Variants in COL4A2 observed in about 807,000 individuals in gnomAD.
The protein encoded by COL4A2 is collagen type IV alpha 2 chain, also known as collagen alpha-2(IV) chain.
Under a neutral mutation model 200.2 loss-of-function variants are expected in COL4A2, and 99 were observed. The observed-to-expected ratio is 0.49, with a 90% CI of 0.42 to 0.58. The LOEUF is 0.58. Ranked by LOEUF, COL4A2 falls within the 20% of genes least tolerant of loss-of-function variation. COL4A2 has a pLI of 0.00. For missense variants in COL4A2, 1,950 were observed against 2,314.1 expected, an observed-to-expected ratio of 0.84 and a Z score of 3.23; for synonymous variants, 897 against 900.6, an observed-to-expected ratio of 1.00 and a Z score of 0.07.
At chr13:110,487,546 A>G (rs544216301) in intron 34 of COL4A2, among the ~76,000 whole-genome samples, 18 of 152,364 alleles carry the variant, frequency 1.2e-4, no homozygotes, top group East Asian at 9.6e-4. Context: ...CGAAACTAGG[A>G]AACAGCCCAA....
rs1169705185 is a variant in COL4A2 at position 110,345,245 on chromosome 13, C to T, written c.100-12227C>T. 4.6e-5 allele frequency among the ~76,000 whole-genome samples: 7 copies of T among 152,126 alleles called. No individual in the cohort carries two copies. The East Asian group carries it at 9.6e-4, about 21-fold the overall frequency. On this transcript the variant is annotated intron_variant, in intron 3 of 47. Coordinates refer to ENST00000360467, the MANE Select transcript of COL4A2 (RefSeq NM_001846.4). ...AGTGTGTACAAACGCAAGTTCTTTG[C>T]GAGGATGGAACTTCAGAGGTGTTCA...
chr13:110,340,103 C>T (rs1356758960), intron 3 of COL4A2, among the ~76,000 whole-genome samples: 3 of 152,198 alleles, frequency 2.0e-5, no homozygotes, highest in Non-Finnish European at 4.4e-5. Context: ...GCACCTGGTG[C>T]CCCTGCAGAG....
At chr13:110,337,308 G>A (rs1266266877) in intron 3 of COL4A2, among the ~76,000 whole-genome samples, 1 of 152,242 alleles carries the variant, frequency 6.6e-6, no homozygotes, top group East Asian at 1.9e-4. Flanking sequence ...GTACCCTGCT[G>A]TTTGGAATCA....
intron 3 of COL4A2, among the ~76,000 whole-genome samples, chr13:110,317,787 G>C (rs1041810300): frequency 6.6e-6 from 1 of 152,190 alleles, no homozygotes; most frequent in Non-Finnish European, 1.5e-5. Flanking sequence ...GGGCAAACAC[G>C]GCTTTATGTT....
At chr13:110,336,481 G>A (rs777689932) in intron 3 of COL4A2, among the ~76,000 whole-genome samples, 3 of 152,224 alleles carry the variant, frequency 2.0e-5, no homozygotes, top group Non-Finnish European at 4.4e-5. Flanking sequence ...GAGGGCTCCT[G>A]CGCGCTGCCC....
intron 3 of COL4A2, among the ~76,000 whole-genome samples, chr13:110,344,817 T>C (rs888906802): frequency 6.6e-6 from 1 of 152,240 alleles, no homozygotes; most frequent in Non-Finnish European, 1.5e-5. Context: ...CCATCACTTT[T>C]CTTCAAGATA....
intron 40 of COL4A2, among the ~76,000 whole-genome samples, chr13:110,500,428 C>T (rs1448622842): frequency 6.6e-6 from 1 of 152,208 alleles, no homozygotes; most frequent in African/African-American, 2.4e-5. Context: ...CTCAAGTCCA[C>T]ACTGATTTCT....
In COL4A2 at chr13:110,492,266, C is replaced by A. The variant is rs2296848; in HGVS notation, c.3562+89C>A. On this transcript the variant is annotated intron_variant, in intron 38 of 47. Transcript: ENST00000360467. The stretch of plus-strand genomic sequence containing the variant: ...CTGAGCAGGCCAGCCTCTCTCAGGG[C>A]GACTTCTAAGGCCCATACGAGAGCA... 38 of 1,189,812 alleles carry A rather than the reference C, an allele frequency of 3.2e-5. No homozygotes were observed. In the South Asian group the frequency reaches 4.6e-4, roughly 14 times the overall value. 73.7% of individuals were successfully genotyped at this position (1,189,812 alleles called of 1,614,324 possible). A position where few individuals can be genotyped will look rare whatever the true frequency, so the allele number is the denominator to read the frequency against.
chr13:110,485,070 G>C, intron 33 of COL4A2, 43 bp downstream of exon 33: 1 of 1,501,872 alleles, frequency 6.7e-7, no homozygotes, highest in South Asian at 1.3e-5. Context: ...AGTCCCTGCC[G>C]CCCCAGCCCG....
At chr13:110,507,278 C>A (rs1320811152) in intron 46 of COL4A2, among the ~76,000 whole-genome samples, 1 of 152,106 alleles carries the variant, frequency 6.6e-6, no homozygotes, top group African/African-American at 2.4e-5. Flanking sequence ...GCCTGTGCGC[C>A]CCGCCTCCAC....
At chr13:110,331,504 G>A (rs995318319) in intron 3 of COL4A2, among the ~76,000 whole-genome samples, 5 of 152,164 alleles carry the variant, frequency 3.3e-5, no homozygotes, top group Non-Finnish European at 4.4e-5. Context: ...TTACTGGGCC[G>A]CTGACTTCCA....
intron 4 of COL4A2, among the ~76,000 whole-genome samples, chr13:110,405,206 A>G (rs1879517619): frequency 6.6e-6 from 1 of 152,230 alleles, no homozygotes; most frequent in Non-Finnish European, 1.5e-5. Flanking sequence ...GCTACAGAGA[A>G]ACGTTTTAGA....
chr13:110,362,111 G>A (rs1349330066), intron 4 of COL4A2, among the ~76,000 whole-genome samples: 1 of 152,200 alleles, frequency 6.6e-6, no homozygotes, highest in Non-Finnish European at 1.5e-5. Flanking sequence ...TAGGCAGCGT[G>A]AGAAGAGAGT....
Position 110,445,464 on chromosome 13 carries a change from G to A in COL4A2, c.958-365G>A, listed in dbSNP as rs545633235. Among the ~76,000 whole-genome samples, 32 of 152,288 alleles carry A rather than the reference G, an allele frequency of 2.1e-4. No homozygotes were observed. In the South Asian group the frequency reaches 5.8e-3, roughly 28 times the overall value. ...AGAAGAACAGATTGTACAACACCAC[G>A]GGGGTGAGACTGACTGCAGCCCACC... On this transcript the variant is annotated intron_variant, in intron 16 of 47. Transcript: ENST00000360467.
At chr13:110,472,262 T>TGC (rs1484899616) in intron 28 of COL4A2, among the ~76,000 whole-genome samples, 40,565 of 151,624 alleles carry the variant, frequency 0.27, 6,267 homozygotes, top group East Asian at 0.41. Flanking sequence ...ACTACAGGCA[T>TGC]CCGCCACCAC....
At chr13:110,487,278 C>A (rs907744636) in intron 34 of COL4A2, among the ~76,000 whole-genome samples, 17 of 152,210 alleles carry the variant, frequency 1.1e-4, no homozygotes, top group Admixed American at 1.0e-3. Flanking sequence ...AGGGTGAAAC[C>A]CCGTCTCTAC....
At chr13:110,431,225 CCTTAA>C (rs976603277) in intron 10 of COL4A2, among the ~76,000 whole-genome samples, 1 of 152,146 alleles carries the variant, frequency 6.6e-6, no homozygotes, top group African/African-American at 2.4e-5. Flanking sequence ...GATAAATAGG[CCTTAA>C]CTTACACAAG....
chr13:110,432,077 C>T (rs1880703115), intron 10 of COL4A2, among the ~76,000 whole-genome samples: 1 of 152,112 alleles, frequency 6.6e-6, no homozygotes, highest in Non-Finnish European at 1.5e-5. Flanking sequence ...AGTCAAAAGC[C>T]CAAACACACA....
intron 47 of COL4A2, among the ~76,000 whole-genome samples, chr13:110,510,245 T>A (rs1456729945): frequency 6.6e-6 from 1 of 152,182 alleles, no homozygotes; most frequent in Non-Finnish European, 1.5e-5. Context: ...TTTTCTGCAT[T>A]CCCTACAAGC....
Sources: allele counts gnomAD v4.1 joint callset (sites outside exome capture counted in the v4.1 genomes callset), GRCh38; gene constraint gnomAD v4.1.1; transcripts MANE v1.5; gene names NCBI Gene and HGNC (gene_info 2026-07-23, HGNC 2026-07-21).